The following EYA2 variants were observed in gnomAD, a reference collection of about 807,000 sequenced individuals.
EYA2 encodes protein phosphatase EYA2.
A neutral mutation model predicts 69.2 loss-of-function variants in EYA2; 31 were observed. The ratio of observed to expected loss-of-function variants is 0.45; its 90% CI spans 0.34 to 0.60. The LOEUF (loss-of-function observed/expected upper bound fraction) is 0.60, where lower values mean the gene tolerates loss of function less well. EYA2 is among the 20% of genes least tolerant of loss of function. EYA2 has a pLI of 0.02. For missense variants in EYA2, 622 were observed against 701.2 expected, an observed-to-expected ratio of 0.89 and a Z score of 1.28; for synonymous variants, 257 against 279.4, an observed-to-expected ratio of 0.92 and a Z score of 0.80.
intron 9 of EYA2, among the ~76,000 whole-genome samples, chr20:47,118,527 T>C (rs1209674617): frequency 6.6e-6 from 1 of 152,092 alleles, no homozygotes; most frequent in Admixed American, 6.6e-5. Flanking sequence ...ATGGGGGTGG[T>C]ACCCTTTGTT....
chr20:47,067,303 C>A (rs1221778800), intron 5 of EYA2, among the ~76,000 whole-genome samples: 1 of 152,000 alleles, frequency 6.6e-6, no homozygotes. Context: ...GTAACCAGAA[C>A]CAAACAGATG....
At chr20:46,945,427 C>T (rs574911014) in intron 1 of EYA2, among the ~76,000 whole-genome samples, 3 of 152,342 alleles carry the variant, frequency 2.0e-5, no homozygotes, top group Non-Finnish European at 4.4e-5. Context: ...AGCAGCCTCT[C>T]TTGTACCTCA....
chr20:47,175,460 G>A (rs1234581674), intron 12 of EYA2, among the ~76,000 whole-genome samples: 2 of 152,124 alleles, frequency 1.3e-5, no homozygotes, highest in East Asian at 3.9e-4. Context: ...TGTGCAAAAT[G>A]GGGCCAGTGA....
At chr20:47,176,952 C>A (rs548988289) in intron 12 of EYA2, among the ~76,000 whole-genome samples, 2 of 151,860 alleles carry the variant, frequency 1.3e-5, no homozygotes, top group South Asian at 2.1e-4. Flanking sequence ...CCACCACACC[C>A]GGCTAATTTT....
chr20:47,054,109 T>A (rs1470974325), intron 5 of EYA2, among the ~76,000 whole-genome samples: 1 of 151,668 alleles, frequency 6.6e-6, no homozygotes, highest in African/African-American at 2.4e-5. Context: ...TTGATAAGTA[T>A]AAGTGATTAT....
rs917084550 is a variant in EYA2 at position 47,139,321 on chromosome 20, AAT to A, written c.889-3731_889-3730del. Among the ~76,000 whole-genome samples the A allele has an allele frequency of 9.9e-5, 15 of 152,234 alleles. 1 individual carries two copies. Among genetic ancestry groups the A allele is most frequent in the Admixed American group, 3.9e-4 (6 of 15,280 alleles). The stretch of plus-strand genomic sequence containing the variant: ...TTTAATATTCATAGTTCTACAAAGG[AAT>A]ATATATGGAAAACAGCAGTCCTCAG... On this transcript the variant is annotated intron_variant, in intron 9 of 15. Coordinates refer to ENST00000327619, the MANE Select transcript of EYA2 (RefSeq NM_005244.5).
intron 14 of EYA2, 59 bp downstream of exon 14, chr20:47,180,995 A>G (rs2034527299): frequency 6.3e-7 from 1 of 1,583,866 alleles, no homozygotes; most frequent in Middle Eastern, 1.9e-4. Context: ...TTAGCTTTCC[A>G]TCCTGGGAAT....
At chr20:47,010,115 TC>T (rs1166325613) in intron 4 of EYA2, among the ~76,000 whole-genome samples, 3 of 152,254 alleles carry the variant, frequency 2.0e-5, no homozygotes, top group African/African-American at 7.2e-5. Flanking sequence ...TTTGTGCATT[TC>T]TCAGGGGTGG....
At chr20:47,162,156 C>A (rs565621750) in intron 10 of EYA2, among the ~76,000 whole-genome samples, 1 of 152,240 alleles carries the variant, frequency 6.6e-6, no homozygotes, top group Non-Finnish European at 1.5e-5. Context: ...GTCCAAATAC[C>A]CCCTTTATAA....
In EYA2 at chr20:46,990,022, A is replaced by G. The variant is rs1981548399; in HGVS notation, c.12A>G (p.Leu4=). 7 of 1,594,380 alleles carry G rather than the reference A, an allele frequency of 4.4e-6. No homozygotes were observed. The Admixed American group carries it at 1.0e-4, about 23-fold the overall frequency. Residue 4 remains leucine (L), a synonymous_variant, in exon 2 of 16, where the codon CTA becomes CTG. Transcript: ENST00000327619. The part of the protein sequence containing the change: MVE[L]VISPSLTVNS... ...TCAGGTACAAGGAAATGGTAGAACTAGTGATCTCACCCAGCCTCACTGTAA... is the reference window on the plus strand; with the variant it reads ...TCAGGTACAAGGAAATGGTAGAACTGGTGATCTCACCCAGCCTCACTGTAA...
At chr20:47,105,671 C>T in intron 9 of EYA2, among the ~76,000 whole-genome samples, 1 of 150,492 alleles carries the variant, frequency 6.6e-6, no homozygotes, top group East Asian at 1.9e-4. Context: ...CTCATCAAAC[C>T]ACCTGATGCG....
At chr20:46,950,606 G>A (rs944078050) in intron 1 of EYA2, among the ~76,000 whole-genome samples, 1 of 152,200 alleles carries the variant, frequency 6.6e-6, no homozygotes, top group Non-Finnish European at 1.5e-5. Flanking sequence ...AGGCACATGC[G>A]CTTCCTTGAA....
chr20:47,185,697 G>A (rs926626621), intron 15 of EYA2, among the ~76,000 whole-genome samples: 3 of 152,144 alleles, frequency 2.0e-5, no homozygotes, highest in African/African-American at 4.8e-5. Context: ...AGGGCAGGGT[G>A]GGAATGCTAG....
chr20:47,089,379 G>C lies in EYA2; in HGVS notation c.802G>C (p.Glu268Gln). 1 of 1,612,524 alleles carries C rather than the reference G, an allele frequency of 6.2e-7. No individual in the cohort carries two copies. Among genetic ancestry groups the C allele is most frequent in the South Asian group, 1.1e-5 (1 of 90,948 alleles). Residue 268 changes from glutamate (E) to glutamine (Q), a missense_variant and splice_region_variant, in exon 8 of 16, where the codon GAG (glutamate) becomes CAG (glutamine). This residue lies in a region of EYA2 where 365 missense variants were observed against 349.7 expected (regional missense o/e 1.04). Coordinates refer to ENST00000327619, the MANE Select transcript of EYA2 (RefSeq NM_005244.5). Reference protein sequence around the residue: ...DPSPAGDNEIERVFVWDLDET... With the variant: ...DPSPAGDNEIQRVFVWDLDET... ...GTCCCCGGCAGGGGACAATGAGATT[G>C]AGGTAATCCAAAGGGGCTCTGTGTG...
chr20:46,973,070 C>A (rs896956449), intron 1 of EYA2, among the ~76,000 whole-genome samples: 2 of 152,086 alleles, frequency 1.3e-5, no homozygotes, highest in African/African-American at 4.8e-5. Flanking sequence ...AACACAAGGG[C>A]CCTCGTGGTG....
intron 8 of EYA2, among the ~76,000 whole-genome samples, chr20:47,094,317 A>G (rs1270524058): frequency 6.6e-6 from 1 of 152,236 alleles, no homozygotes; most frequent in Non-Finnish European, 1.5e-5. Context: ...GCATATTTGA[A>G]TCTCAGAAGG....
At chr20:47,121,122 T>C (rs2033033230) in intron 9 of EYA2, among the ~76,000 whole-genome samples, 1 of 152,080 alleles carries the variant, frequency 6.6e-6, no homozygotes, top group African/African-American at 2.4e-5. Context: ...TGAGACAGAG[T>C]CTTTCTCTGT....
chr20:46,930,584 T>C (rs1158356906), intron 1 of EYA2, among the ~76,000 whole-genome samples: 3 of 151,876 alleles, frequency 2.0e-5, no homozygotes, highest in African/African-American at 7.3e-5. Flanking sequence ...AGAAGATAAC[T>C]GGAAGAGAGA....
intron 5 of EYA2, among the ~76,000 whole-genome samples, chr20:47,031,387 G>C (rs893938423): frequency 1.3e-5 from 2 of 152,340 alleles, no homozygotes; most frequent in African/African-American, 4.8e-5. Flanking sequence ...AGAAAGACCA[G>C]TTGACTGCTG....
Sources: allele counts gnomAD v4.1 joint callset (sites outside exome capture counted in the v4.1 genomes callset), GRCh38; gene constraint gnomAD v4.1.1; regional missense constraint gnomAD v4.1.1; transcripts MANE v1.5; gene names NCBI Gene and HGNC (gene_info 2026-07-23, HGNC 2026-07-21).